Variants in VWA3A observed in about 807,000 individuals in gnomAD.
The protein encoded by VWA3A is von Willebrand factor A domain containing 3A.
VWA3A carries 134 observed loss-of-function variants against 160.4 expected under a neutral mutation model. The ratio of observed to expected loss-of-function variants is 0.84; its 90% CI spans 0.73 to 0.96. VWA3A has a LOEUF of 0.96. VWA3A is among the 40% of genes least tolerant of loss of function. VWA3A has a pLI of 0.00. For missense variants in VWA3A, 1,310 were observed against 1,447.9 expected (o/e 0.90, Z 1.55); for synonymous variants, 476 against 543.4 (o/e 0.88, Z 1.72).
rs561311001 is a variant in VWA3A at position 22,116,878 on chromosome 16, G to A, written c.924+11G>A. ...GATCAGATGCCCCCTGTGAGTGCCC[G>A]AGATTCTCTGAGGTGCCCCTTGGCT... On this transcript the variant is annotated intron_variant, in intron 10 of 33. Coordinates refer to ENST00000389398, the MANE Select transcript of VWA3A (RefSeq NM_173615.5). The A allele has an allele frequency of 1.5e-5, 24 of 1,607,910 alleles. No individual in the cohort carries two copies. The highest frequency in any genetic ancestry group is 1.3e-4 in the East Asian group (6 of 44,848).
intron 25 of VWA3A, 31 bp downstream of exon 25, chr16:22,142,796 A>G (rs1358540586): frequency 1.7e-5 from 25 of 1,477,190 alleles, no homozygotes; most frequent in East Asian, 4.9e-5. Flanking sequence ...GCACATGCCC[A>G]TTAAGCAATA....
chr16:22,122,174 T>C (rs1338020144), intron 14 of VWA3A, among the ~76,000 whole-genome samples: 2 of 134,054 alleles, frequency 1.5e-5, no homozygotes, highest in African/African-American at 2.9e-5. Flanking sequence ...GATGAATGGA[T>C]GGATGAGTGG....
rs1555459588 is a variant in VWA3A at position 22,136,891 on chromosome 16, A to ACG, written c.2140-1468_2140-1467insGC. 7.4e-3 allele frequency among the ~76,000 whole-genome samples: 900 copies of ACG among 121,188 alleles called. 7 individuals carry two copies. The highest frequency in any genetic ancestry group is 0.019 in the Middle Eastern group (5 of 264). 79.5% of individuals were successfully genotyped at this position (121,188 alleles called of 152,430 possible). Reference sequence around the variant, plus strand: ...ACTAAAAATACACACACACACACACACACGCACACACACACACACACACAC... The same window carrying ACG: ...ACTAAAAATACACACACACACACACACGCACGCACACACACACACACACACAC... On this transcript the variant is annotated intron_variant, in intron 21 of 33. Transcript: ENST00000389398.
intron 2 of VWA3A, among the ~76,000 whole-genome samples, 196 bp downstream of exon 2, chr16:22,097,141 A>AT (rs1248915730): frequency 6.6e-6 from 1 of 151,700 alleles, no homozygotes; most frequent in Non-Finnish European, 1.5e-5. Context: ...GATTTTGTGT[A>AT]TTTTTAGTAG....
rs780020259 is a variant in VWA3A at position 22,141,626 on chromosome 16, A to G, written c.2428A>G (p.Lys810Glu). The G allele has an allele frequency of 6.2e-7, 1 of 1,612,772 alleles. No individual in the cohort carries two copies. Among genetic ancestry groups the G allele is most frequent in the Non-Finnish European group, 8.5e-7 (1 of 1,179,484 alleles). ...AGAAGGGATGATGGAACTGAGGAGG[A>G]AGACCAAGTCAAGGGAAGCAGAGAC... ...TKEGMMELRR[K>E]TKSREAETSL... Residue 810 changes from lysine (K) to glutamate (E), a missense_variant, in exon 24 of 34, where the codon AAG becomes GAG. Physicochemically the swap from Lys to Glu is moderately conservative, Grantham distance 56 (BLOSUM62 1). Coordinates refer to ENST00000389398, the MANE Select transcript of VWA3A (RefSeq NM_173615.5).
chr16:22,154,451 C>T (rs548233631), intron 31 of VWA3A, among the ~76,000 whole-genome samples: 287 of 149,930 alleles, frequency 1.9e-3, no homozygotes, highest in Middle Eastern at 0.014. Flanking sequence ...GTCTCAGCCT[C>T]CCGAGTAGCT....
chr16:22,100,239 G>A lies in VWA3A; in HGVS notation c.271G>A (p.Glu91Lys). The change falls in exon 4 of 34, where the codon GAA becomes AAA. Residue 91 changes from glutamate (E) to lysine (K), a missense_variant. Glu to Lys is a moderately conservative substitution (Grantham distance 56). Transcript: ENST00000389398. ...CCAGTCTTCAGATTGGGAGGACTCT[G>A]AAGACTGGCTTTCGGCTCACAGTTT... Reference protein sequence around the residue: ...ETQSSDWEDSEDWLSAHSLKC... With the variant: ...ETQSSDWEDSKDWLSAHSLKC... 6.4e-7 allele frequency: 1 copy of A among 1,551,084 alleles called. No individual in the cohort carries two copies. Among genetic ancestry groups the A allele is most frequent in the African/African-American group, 1.4e-5 (1 of 73,082 alleles).
In VWA3A at chr16:22,100,459, C is replaced by G. The variant is rs777764553; in HGVS notation, c.394C>G (p.Gln132Glu). Reference protein sequence around the residue: ...NVVQKICFSTQIIRHFESKLS... With the variant: ...NVVQKICFSTEIIRHFESKLS... ...CGTGCAGAAAATATGTTTCTCCACC[C>G]AGATCATCCGCCATTTTGAGTCAAA... Residue 132 changes from glutamine (Q) to glutamate (E), a missense_variant, in exon 5 of 34, where the codon CAG (glutamine) becomes GAG (glutamate). By Grantham distance (29) the Gln-to-Glu change is conservative (BLOSUM62 2). Transcript: ENST00000389398. 20 of 1,551,636 alleles carry G rather than the reference C, an allele frequency of 1.3e-5. No homozygotes were observed. The Admixed American group carries it at 1.8e-4, about 14-fold the overall frequency.
At chr16:22,138,730 C>T (rs1388098458) in intron 22 of VWA3A, among the ~76,000 whole-genome samples, 4 of 152,086 alleles carry the variant, frequency 2.6e-5, no homozygotes, top group African/African-American at 7.2e-5. Flanking sequence ...CCCCAACCCA[C>T]CCTTGGCTCT....
At chr16:22,098,600 C>T (rs550822234) in intron 3 of VWA3A, among the ~76,000 whole-genome samples, 6 of 152,222 alleles carry the variant, frequency 3.9e-5, no homozygotes, top group South Asian at 2.1e-4. Context: ...TGCTCCAACA[C>T]GAAGATCTTA....
Position 22,131,266 on chromosome 16 carries a change from CAA to C in VWA3A, c.1716_1717del (p.Ser573CysfsTer60). On this transcript the variant is annotated frameshift_variant, in exon 18 of 34. Coordinates refer to ENST00000389398, the MANE Select transcript of VWA3A (RefSeq NM_173615.5). LOFTEE classifies it high-confidence loss of function. ...EMVPVSHNNL[Q>X]SAWRWALNLR... The stretch of plus-strand genomic sequence containing the variant: ...GGTTCCCGTGAGTCACAACAATTTA[CAA>C]AGTGCCTGGCGGTAGGTTATGGGCA... 6.2e-7 allele frequency: 1 copy of C among 1,613,942 alleles called. No individual in the cohort carries two copies. Among genetic ancestry groups the C allele is most frequent in the Non-Finnish European group, 8.5e-7 (1 of 1,179,882 alleles).
chr16:22,104,692 AT>A (rs560906524), intron 6 of VWA3A, among the ~76,000 whole-genome samples: 2 of 151,776 alleles, frequency 1.3e-5, no homozygotes, highest in African/African-American at 4.8e-5. Context: ...AAAAAAAAAA[AT>A]TTTTTTTAAT....
chr16:22,114,486 A>G (rs1024504147), intron 8 of VWA3A, among the ~76,000 whole-genome samples: 1 of 152,176 alleles, frequency 6.6e-6, no homozygotes, highest in Non-Finnish European at 1.5e-5. Flanking sequence ...ACATAGCACA[A>G]TTTCTAAAAG....
intron 8 of VWA3A, among the ~76,000 whole-genome samples, chr16:22,113,333 AGGTGTGCTCCACAAT>A (rs2045579098): frequency 7.7e-6 from 1 of 130,250 alleles, no homozygotes; most frequent in Non-Finnish European, 1.6e-5. Context: ...CTGAGATTAC[AGGTGTGCTCCACAAT>A]GCCTGGCTAA....
At chr16:22,097,536 G>T in intron 2 of VWA3A, 36 bp from the exon 3 acceptor site, 1 of 1,548,984 alleles carries the variant, frequency 6.5e-7, no homozygotes, top group Middle Eastern at 1.7e-4. Context: ...TATGCCCAGT[G>T]CTGGGGCATT....
At chr16:22,122,997 C>A in intron 14 of VWA3A, 88 bp from the exon 15 acceptor site, 1 of 1,145,040 alleles carries the variant, frequency 8.7e-7, no homozygotes, top group Non-Finnish European at 1.3e-6. Context: ...CTTCACTCTC[C>A]TGCACCTGAT....
At chr16:22,123,352 T>TA in intron 15 of VWA3A, 187 bp downstream of exon 15, 41 of 1,280,744 alleles carry the variant, frequency 3.2e-5, no homozygotes, top group Non-Finnish European at 4.4e-5. Context: ...CTCAATGCCT[T>TA]TAAAAAAAAA....
intron 1 of VWA3A, 105 bp from the exon 2 acceptor site, chr16:22,096,754 T>G (rs1192477356): frequency 1.4e-5 from 11 of 779,168 alleles, no homozygotes; most frequent in Non-Finnish European, 2.3e-5. Context: ...CAAAAAAAAA[T>G]TAAACATGTA....
chr16:22,145,283 A>G (rs1466396511), intron 26 of VWA3A, among the ~76,000 whole-genome samples: 3 of 152,192 alleles, frequency 2.0e-5, no homozygotes, highest in African/African-American at 7.2e-5. Flanking sequence ...ACCTGAAGTC[A>G]TCTTTCAGTT....
Sources: allele counts gnomAD v4.1 joint callset (sites outside exome capture counted in the v4.1 genomes callset), GRCh38; gene constraint gnomAD v4.1.1; transcripts MANE v1.5; gene names NCBI Gene and HGNC (gene_info 2026-07-23, HGNC 2026-07-21).